The following MCTP2 variants were observed in gnomAD, a reference collection of about 807,000 sequenced individuals.
MCTP2 encodes the protein multiple C2 and transmembrane domain-containing protein 2.
MCTP2 carries 132 observed loss-of-function variants against 111.6 expected under a neutral mutation model. The ratio of observed to expected loss-of-function variants is 1.18; its 90% CI spans 1.03 to 1.37. MCTP2 has a LOEUF of 1.37. MCTP2 is among the 40% of genes most tolerant of loss of function. MCTP2 has a pLI of 0.00. For synonymous variants in MCTP2, 395 were observed against 387.7 expected (o/e 1.02, Z -0.22); for missense variants, 1,183 against 1,067.9 (o/e 1.11, Z -1.50).
rs1223111070 is a variant in MCTP2, at chr15:94,264,636, T to A, written c.-66+32972T>A. On this transcript the variant is annotated intron_variant, in intron 1 of 22. Transcript: ENST00000357742. Reference sequence around the variant, plus strand: ...AAAAAAGAAAAAAAAATTGTCTACTTGAAATGTCAGTCATTGATAAGATAA... The same window carrying A: ...AAAAAAGAAAAAAAAATTGTCTACTAGAAATGTCAGTCATTGATAAGATAA... Among the ~76,000 whole-genome samples, 5 of 152,062 alleles carry A rather than the reference T, an allele frequency of 3.3e-5. 1 individual carries two copies. The highest frequency in any genetic ancestry group is 7.4e-5 in the Non-Finnish European group (5 of 67,972).
At chr15:94,371,394 T>C (rs2079477167) in intron 12 of MCTP2, among the ~76,000 whole-genome samples, 1 of 152,220 alleles carries the variant, frequency 6.6e-6, no homozygotes, top group African/African-American at 2.4e-5. Flanking sequence ...ACATGTGCCT[T>C]TGACATTAGT....
chr15:94,456,305 C>T (rs763549687), intron 19 of MCTP2, among the ~76,000 whole-genome samples: 3 of 152,142 alleles, frequency 2.0e-5, no homozygotes, highest in Admixed American at 6.5e-5. Context: ...CAGAACCTCA[C>T]TATTTGGGTG....
At chr15:94,252,262 A>G (rs1231632024) in intron 1 of MCTP2, among the ~76,000 whole-genome samples, 1 of 152,192 alleles carries the variant, frequency 6.6e-6, no homozygotes, top group Non-Finnish European at 1.5e-5. Context: ...CAATCTCTCT[A>G]GAGTCTTGCC....
intron 17 of MCTP2, chr15:94,402,898 C>T: frequency 9.1e-7 from 1 of 1,104,928 alleles, no homozygotes; most frequent in Non-Finnish European, 1.1e-6. Context: ...AATCTGATTT[C>T]TGAATGTTAT....
intron 4 of MCTP2, among the ~76,000 whole-genome samples, chr15:94,322,592 G>A (rs1391515099): frequency 2.0e-5 from 3 of 152,188 alleles, no homozygotes; most frequent in African/African-American, 4.8e-5. Context: ...AAAGTTTGTT[G>A]ACCTCTGCCT....
intron 1 of MCTP2, among the ~76,000 whole-genome samples, chr15:94,232,605 CTG>C (rs1467595458): frequency 6.6e-6 from 1 of 152,166 alleles, no homozygotes; most frequent in Non-Finnish European, 1.5e-5. Flanking sequence ...GGGCAGACCT[CTG>C]AGAGCCGGGC....
chr15:94,250,379 A>T (rs544475817), intron 1 of MCTP2, among the ~76,000 whole-genome samples: 1 of 152,184 alleles, frequency 6.6e-6, no homozygotes, highest in Non-Finnish European at 1.5e-5. Context: ...TCTATCCTTC[A>T]CTTGTGCTGA....
At chr15:94,279,286 ACTT>A (rs943248418) in intron 1 of MCTP2, among the ~76,000 whole-genome samples, 5 of 151,986 alleles carry the variant, frequency 3.3e-5, no homozygotes, top group African/African-American at 1.2e-4. Context: ...GTCATCTCTG[ACTT>A]CTTTTAGCAG....
At chr15:94,366,219 G>A (rs555028824) in intron 10 of MCTP2, among the ~76,000 whole-genome samples, 1 of 152,138 alleles carries the variant, frequency 6.6e-6, no homozygotes, top group South Asian at 2.1e-4. Context: ...ATTCAAATCA[G>A]AGGATTATTT....
intron 4 of MCTP2, among the ~76,000 whole-genome samples, chr15:94,335,163 G>C (rs1381662953): frequency 6.6e-6 from 1 of 152,124 alleles, no homozygotes; most frequent in Non-Finnish European, 1.5e-5. Flanking sequence ...ATAAGCTGCT[G>C]TCAGATTTAT....
At chr15:94,426,999 C>T (rs1201527610) in intron 17 of MCTP2, among the ~76,000 whole-genome samples, 1 of 152,112 alleles carries the variant, frequency 6.6e-6, no homozygotes, top group African/African-American at 2.4e-5. Context: ...AACTCTGTGA[C>T]ATTGCCAGAA....
intron 12 of MCTP2, among the ~76,000 whole-genome samples, chr15:94,375,855 A>G (rs2079743470): frequency 6.6e-6 from 1 of 152,228 alleles, no homozygotes; most frequent in South Asian, 2.1e-4. Context: ...GAATAAAGAT[A>G]CATTTAATTA....
chr15:94,437,737 T>C (rs188081026), intron 17 of MCTP2, among the ~76,000 whole-genome samples: 1 of 152,198 alleles, frequency 6.6e-6, no homozygotes, highest in African/African-American at 2.4e-5. Flanking sequence ...TACGAAATTA[T>C]AGTTTTTAAA....
intron 4 of MCTP2, among the ~76,000 whole-genome samples, chr15:94,333,905 C>A (rs2077239197): frequency 6.6e-6 from 1 of 152,104 alleles, no homozygotes; most frequent in South Asian, 2.1e-4. Context: ...CACACAGAAT[C>A]CCTGCGAGAA....
chr15:94,405,112 G>T (rs1297974598), intron 17 of MCTP2, among the ~76,000 whole-genome samples: 2 of 152,192 alleles, frequency 1.3e-5, no homozygotes, highest in East Asian at 3.9e-4. Flanking sequence ...ATAGTTGAGG[G>T]TTTGCTACAC....
chr15:94,357,800 A>AT (rs1388980854), intron 9 of MCTP2, among the ~76,000 whole-genome samples: 5 of 152,324 alleles, frequency 3.3e-5, no homozygotes, highest in Middle Eastern at 3.4e-3. Context: ...TAATCTCTAT[A>AT]TAAAGGAAAC....
intron 12 of MCTP2, among the ~76,000 whole-genome samples, chr15:94,379,660 G>A (rs1002368714): frequency 8.7e-5 from 13 of 149,204 alleles, no homozygotes; most frequent in South Asian, 2.1e-4. Context: ...CCTGATTATC[G>A]CTATTTGCCT....
Position 94,479,007 on chromosome 15 carries a change from C to CCTGCGGAAGAAG in MCTP2, c.2612_2623dup (p.Leu871_Lys874dup). 1 of 1,614,086 alleles carries CCTGCGGAAGAAG rather than the reference C, an allele frequency of 6.2e-7. No individual in the cohort carries two copies. The highest frequency in any genetic ancestry group is 8.5e-7 in the Non-Finnish European group (1 of 1,180,016). On this transcript the variant is annotated inframe_insertion, in exon 23 of 23. Coordinates refer to ENST00000357742, the MANE Select transcript of MCTP2 (RefSeq NM_001385001.1). ...TGAAACTCTGCAGCAGCCACAGCCCCCTGCGGAAGAAGCGCAGCGCTCTCT... is the reference window on the plus strand; with the variant it reads ...TGAAACTCTGCAGCAGCCACAGCCCCCTGCGGAAGAAGCTGCGGAAGAAGCGCAGCGCTCTCT...
rs71132992 is a variant in MCTP2 at position 94,236,377 on chromosome 15, C to CTTTTTTTTTTTTTTTTT, written c.-66+4725_-66+4741dup. Among the ~76,000 whole-genome samples, 280 of 72,506 alleles carry CTTTTTTTTTTTTTTTTT rather than the reference C, an allele frequency of 3.9e-3. 32 individuals are homozygous for CTTTTTTTTTTTTTTTTT. The highest frequency in any genetic ancestry group is 4.3e-3 in the Non-Finnish European group (169 of 39,424). 47.6% of individuals were successfully genotyped at this position (72,506 alleles called of 152,430 possible). ...TATGATTCAATCCTTTCTTTTTTTT[C>CTTTTTTTTTTTTTTTTT]TTTTTTTTTTTTTTTTTTTTTTTTT... On this transcript the variant is annotated intron_variant, in intron 1 of 22. Coordinates refer to ENST00000357742, the MANE Select transcript of MCTP2 (RefSeq NM_001385001.1).
Sources: allele counts gnomAD v4.1 joint callset (sites outside exome capture counted in the v4.1 genomes callset), GRCh38; gene constraint gnomAD v4.1.1; transcripts MANE v1.5; gene names NCBI Gene and HGNC (gene_info 2026-07-23, HGNC 2026-07-21).